The following TTC6 variants were observed in gnomAD, a reference collection of about 807,000 sequenced individuals.
The protein encoded by TTC6 is tetratricopeptide repeat domain 6, also known as tetratricopeptide repeat protein 6.
Under a neutral mutation model 210.4 loss-of-function variants are expected in TTC6, and 172 were observed. The ratio of observed to expected loss-of-function variants is 0.82; its 90% CI spans 0.72 to 0.93. TTC6 has a LOEUF of 0.93. TTC6 is among the 40% of genes least tolerant of loss of function. The pLI, the probability that TTC6 is intolerant of heterozygous loss-of-function variation, is 0.00. For missense variants in TTC6, 2,414 were observed against 2,318.1 expected (o/e 1.04, Z -0.85); for synonymous variants, 804 against 819.6 (o/e 0.98, Z 0.32).
At chr14:37,831,091 CA>C (rs147757217) in intron 29 of TTC6, among the ~76,000 whole-genome samples, 3,503 of 152,168 alleles carry the variant, frequency 0.023, 135 homozygotes, top group African/African-American at 0.079. Context: ...CCACCCCTCC[CA>C]GCCAATTGTA....
intron 13 of TTC6, among the ~76,000 whole-genome samples, chr14:37,752,368 T>A (rs1246731804): frequency 6.6e-6 from 1 of 152,106 alleles, no homozygotes; most frequent in African/African-American, 2.4e-5. Flanking sequence ...ATATATTTTG[T>A]TAACTTCTGG....
At chr14:37,634,963 T>C (rs887304793) in intron 1 of TTC6, among the ~76,000 whole-genome samples, 1 of 152,072 alleles carries the variant, frequency 6.6e-6, no homozygotes, top group Non-Finnish European at 1.5e-5. Context: ...CCTAGAAGGA[T>C]GAGTAAAGGA....
intron 14 of TTC6, among the ~76,000 whole-genome samples, chr14:37,753,777 G>A (rs182017647): frequency 3.0e-4 from 44 of 147,914 alleles, no homozygotes; most frequent in African/African-American, 1.1e-3. Context: ...ATGGGATCTC[G>A]CTTTGTTGCC....
At chr14:37,824,930 G>A (rs2096167197) in intron 27 of TTC6, among the ~76,000 whole-genome samples, 1 of 152,118 alleles carries the variant, frequency 6.6e-6, no homozygotes, top group Non-Finnish European at 1.5e-5. Context: ...TTATGGTCCA[G>A]TTAAAAATGT....
intron 3 of TTC6, among the ~76,000 whole-genome samples, chr14:37,687,953 C>T (rs956099413): frequency 6.6e-6 from 1 of 152,114 alleles, no homozygotes; most frequent in East Asian, 1.9e-4. Flanking sequence ...CCATAGGAAC[C>T]AGCTTGGCTA....
chr14:37,681,284 A>G (rs1047505710), intron 2 of TTC6, among the ~76,000 whole-genome samples: 1 of 152,168 alleles, frequency 6.6e-6, no homozygotes, highest in Non-Finnish European at 1.5e-5. Flanking sequence ...TGAAAGTACA[A>G]TATCAGTTAG....
At chr14:37,828,193 G>A (rs1476284220) in intron 29 of TTC6, among the ~76,000 whole-genome samples, 1 of 152,060 alleles carries the variant, frequency 6.6e-6, no homozygotes, top group Non-Finnish European at 1.5e-5. Flanking sequence ...TGGGTCATTA[G>A]ATGATGATAT....
intron 14 of TTC6, among the ~76,000 whole-genome samples, chr14:37,778,307 A>T (rs545162050): frequency 6.7e-6 from 1 of 149,736 alleles, no homozygotes; most frequent in East Asian, 1.9e-4. Flanking sequence ...CATGGCCTTC[A>T]TGTGCGTGTT....
intron 14 of TTC6, among the ~76,000 whole-genome samples, chr14:37,781,075 GC>G: frequency 6.6e-6 from 1 of 152,268 alleles, no homozygotes; most frequent in East Asian, 1.9e-4. Flanking sequence ...TTTGAATAAT[GC>G]CACCATAAAC....
intron 15 of TTC6, among the ~76,000 whole-genome samples, chr14:37,789,237 T>C (rs1423621271): frequency 6.6e-6 from 1 of 152,132 alleles, no homozygotes; most frequent in Non-Finnish European, 1.5e-5. Flanking sequence ...ATATTCAGAG[T>C]AATGCTAGGA....
intron 1 of TTC6, among the ~76,000 whole-genome samples, chr14:37,646,194 C>T (rs2095701312): frequency 2.0e-5 from 3 of 152,266 alleles, no homozygotes; most frequent in Middle Eastern, 6.8e-3. Flanking sequence ...TGGTAAATAA[C>T]ATTACGTGAA....
At chr14:37,644,220 A>G (rs1393168808) in intron 1 of TTC6, among the ~76,000 whole-genome samples, 1 of 152,188 alleles carries the variant, frequency 6.6e-6, no homozygotes, top group African/African-American at 2.4e-5. Flanking sequence ...TTAATAGTGG[A>G]TTAGACAGGA....
At chr14:37,609,537 T>A (rs946697987) in intron 2 of TTC6, among the ~76,000 whole-genome samples, 1 of 152,306 alleles carries the variant, frequency 6.6e-6, no homozygotes, top group African/African-American at 2.4e-5. Flanking sequence ...ATCTGTACAA[T>A]GAAGATGATA....
rs529743275 is a variant in TTC6 at position 37,782,142 on chromosome 14, A to G, written c.3267-5326A>G. 5.3e-5 allele frequency among the ~76,000 whole-genome samples: 8 copies of G among 152,212 alleles called. No individual in the cohort carries two copies. In the South Asian group the frequency reaches 6.2e-4, roughly 12 times the overall value. ...TTTGGTTCCATATGAACTTTAAAGT[A>G]GTTTTTTTTAGTTCTTTGAAGAAAG... On this transcript the variant is annotated intron_variant, in intron 14 of 30. Transcript: ENST00000553443.
chr14:37,714,311 G>A lies in TTC6; in HGVS notation c.1572-344G>A, dbSNP rs565016091. Reference sequence around the variant, plus strand: ...CCACCCAAGAAATGAAACTTTGTGTGTATGTGTGAGCTTGGAATGGGGAGT... The same window carrying A: ...CCACCCAAGAAATGAAACTTTGTGTATATGTGTGAGCTTGGAATGGGGAGT... On this transcript the variant is annotated intron_variant, in intron 5 of 30. Coordinates refer to ENST00000553443, the Ensembl canonical transcript of TTC6. Among the ~76,000 whole-genome samples the A allele has an allele frequency of 2.6e-5, 4 of 151,998 alleles. No homozygotes were observed. In the South Asian group the frequency reaches 8.3e-4, roughly 32 times the overall value.
rs185148177 is a variant in TTC6, at chr14:37,790,635, T to C, written c.3437-82T>C. The C allele has an allele frequency of 2.3e-3, 2,550 of 1,113,758 alleles. 8 individuals are homozygous for C. The highest frequency in any genetic ancestry group is 3.0e-3 in the Non-Finnish European group (2,312 of 781,008). The allele number at this position is 1,113,758 out of a possible 1,614,324, so 69.0% of individuals were successfully genotyped here. On this transcript the variant is annotated intron_variant, in intron 15 of 30. Coordinates refer to ENST00000553443, the Ensembl canonical transcript of TTC6. ...AATGTTAAAAAATGAGAATAAGCAA[T>C]AGGAAGTTTACAGACTAAAGTATAA... is the stretch of plus-strand genomic sequence containing the variant.
chr14:37,623,214 G>T (rs896055954), intron 1 of TTC6, among the ~76,000 whole-genome samples: 16 of 152,158 alleles, frequency 1.1e-4, no homozygotes, highest in Admixed American at 3.3e-4. Context: ...TCTTTTCAAA[G>T]TGAAGGAAAC....
At chr14:37,732,209 G>T (rs1192964447) in intron 7 of TTC6, among the ~76,000 whole-genome samples, 3 of 103,878 alleles carry the variant, frequency 2.9e-5, no homozygotes, top group Non-Finnish European at 3.4e-5. Flanking sequence ...TTGAGAGAGA[G>T]TCTCACTCTG....
chr14:37,687,696 C>T (rs2095796572), intron 3 of TTC6, among the ~76,000 whole-genome samples: 1 of 152,154 alleles, frequency 6.6e-6, no homozygotes, highest in African/African-American at 2.4e-5. Context: ...AGCTCCCAGA[C>T]ATTTCTAGAC....
Sources: gnomAD v4.1 joint callset for allele counts (sites outside exome capture counted in the v4.1 genomes callset) on GRCh38, gnomAD v4.1.1 for gene constraint, MANE v1.5 for transcripts, NCBI Gene and HGNC (gene_info 2026-07-23, HGNC 2026-07-21) for gene names.